The following OSBPL3 variants were observed in gnomAD, a reference collection of about 807,000 sequenced individuals.
OSBPL3 encodes the protein oxysterol binding protein like 3, also known as oxysterol-binding protein-related protein 3.
OSBPL3 carries 65 observed loss-of-function variants against 120.1 expected under a neutral mutation model. The observed-to-expected ratio is 0.54, with a 90% confidence interval of 0.44 to 0.67. The LOEUF is 0.67. Ranked by LOEUF, OSBPL3 falls within the 30% of genes least tolerant of loss-of-function variation. The pLI, the probability that OSBPL3 is intolerant of heterozygous loss-of-function variation, is 0.00. For synonymous variants in OSBPL3, 416 were observed against 402.6 expected (o/e 1.03, Z -0.40); for missense variants, 1,004 against 1,082.1 (o/e 0.93, Z 1.01).
chr7:24,845,889 G>A (rs1276978548), intron 12 of OSBPL3, among the ~76,000 whole-genome samples: 2 of 152,294 alleles, frequency 1.3e-5, no homozygotes, highest in African/African-American at 4.8e-5. Flanking sequence ...GGTAGTGAGT[G>A]CCTATAATCC....
intron 1 of OSBPL3, among the ~76,000 whole-genome samples, chr7:24,979,648 G>A (rs981116747): frequency 6.6e-6 from 1 of 152,144 alleles, no homozygotes; most frequent in Non-Finnish European, 1.5e-5. Context: ...GCCGTCCCTC[G>A]AGGGAAGGTG....
In OSBPL3 at chr7:24,968,648, C is replaced by T. The variant is rs1816655992; in HGVS notation, c.-150+11238G>A. 6.6e-6 allele frequency among the ~76,000 whole-genome samples: 1 copy of T among 152,202 alleles called. No individual in the cohort carries two copies. The highest frequency in any genetic ancestry group is 2.1e-4 in the South Asian group (1 of 4,824). On this transcript the variant is annotated intron_variant, in intron 1 of 22. Transcript: ENST00000313367. This position sits in a 1 kb window ranked among gnomAD's most constrained non-coding sequence, Gnocchi z 4.6. The stretch of plus-strand genomic sequence containing the variant: ...CTGACCTCAGGTGATTCGCCCACCT[C>T]GGCCTCCCAAAGTGCTAGGATTACA...
At chr7:24,943,372 C>T (rs1311844069) in intron 1 of OSBPL3, among the ~76,000 whole-genome samples, 3 of 152,144 alleles carry the variant, frequency 2.0e-5, no homozygotes, top group Non-Finnish European at 4.4e-5. Context: ...GTGCTTGTAC[C>T]TTAAAGGCTT....
intron 1 of OSBPL3, among the ~76,000 whole-genome samples, chr7:24,974,082 T>A (rs1217546925): frequency 1.2e-4 from 19 of 152,252 alleles, no homozygotes; most frequent in Non-Finnish European, 1.5e-5. Flanking sequence ...TACTAAATCT[T>A]TGAAACTCAG....
At position 24,855,740 on chromosome 7, in the gene OSBPL3, T is replaced by C. The variant is rs1428379187; in HGVS notation, c.1028-3106A>G. 6.6e-6 allele frequency among the ~76,000 whole-genome samples: 1 copy of C among 152,160 alleles called. No individual in the cohort carries two copies. Among genetic ancestry groups the C allele is most frequent in the Non-Finnish European group, 1.5e-5 (1 of 68,032 alleles). On this transcript the variant is annotated intron_variant, in intron 10 of 22. Coordinates refer to ENST00000313367, the MANE Select transcript of OSBPL3 (RefSeq NM_015550.4). The surrounding 1 kb of genome is among the most constrained non-coding windows in gnomAD (Gnocchi z 4.3). Reference sequence around the variant, plus strand: ...TCAGGAACACTCTCTGTGATAGGAGTGCTTTCTTACTTATTTCTAACATGA... The same window carrying C: ...TCAGGAACACTCTCTGTGATAGGAGCGCTTTCTTACTTATTTCTAACATGA...
chr7:24,889,446 A>G (rs1206746262), intron 2 of OSBPL3, among the ~76,000 whole-genome samples: 1 of 152,060 alleles, frequency 6.6e-6, no homozygotes, highest in Admixed American at 6.6e-5. Flanking sequence ...AAATGTTCTT[A>G]CCACACACAC....
intron 1 of OSBPL3, among the ~76,000 whole-genome samples, chr7:24,910,970 G>C (rs188121656): frequency 5.6e-4 from 85 of 152,310 alleles, no homozygotes; most frequent in Admixed American, 3.3e-3. Context: ...CCAGACACTG[G>C]GGATGAGGCC....
chr7:24,864,980 A>C (rs1279344333), intron 7 of OSBPL3, among the ~76,000 whole-genome samples: 1 of 151,346 alleles, frequency 6.6e-6, no homozygotes, highest in Non-Finnish European at 1.5e-5. Context: ...CTACATCGTG[A>C]AGATCTCCAT....
rs997598182 is a variant in OSBPL3, at chr7:24,824,870, C to T, written c.1885-4632G>A. Among the ~76,000 whole-genome samples, 4 of 152,060 alleles carry T rather than the reference C, an allele frequency of 2.6e-5. No homozygotes were observed. The highest frequency in any genetic ancestry group is 7.3e-5 in the African/African-American group (3 of 41,376). On this transcript the variant is annotated intron_variant, in intron 16 of 22. Transcript: ENST00000313367. This position sits in a 1 kb window ranked among gnomAD's most constrained non-coding sequence, Gnocchi z 4.9. ...GAAACCTGTGGGGCTGAGAGAAGTT[C>T]GGAAGTTAACCATGCAGATATCTGA... is the stretch of plus-strand genomic sequence containing the variant.
intron 1 of OSBPL3, among the ~76,000 whole-genome samples, chr7:24,921,339 G>A (rs1448562141): frequency 6.6e-6 from 1 of 152,196 alleles, no homozygotes; most frequent in Non-Finnish European, 1.5e-5. Context: ...TGAAAAGCCT[G>A]AACTGCATTG....
rs950210844 is a variant in OSBPL3, at chr7:24,808,235, T to C, written c.2318-1333A>G. On this transcript the variant is annotated intron_variant, in intron 20 of 22. Transcript: ENST00000313367. This position sits in a 1 kb window ranked among gnomAD's most constrained non-coding sequence, Gnocchi z 4.6. Reference sequence around the variant, plus strand: ...TTTTTGAATCTTCATAAGTCCTCCTTGTAACTAGTCTAATTCTCTGTGTAT... The same window carrying C: ...TTTTTGAATCTTCATAAGTCCTCCTCGTAACTAGTCTAATTCTCTGTGTAT... 2.6e-5 allele frequency among the ~76,000 whole-genome samples: 4 copies of C among 152,142 alleles called. No homozygotes were observed. The highest frequency in any genetic ancestry group is 9.7e-5 in the African/African-American group (4 of 41,424).
At position 24,804,387 on chromosome 7, in the gene OSBPL3, A is replaced by G. The variant is rs1732530374; in HGVS notation, c.2495T>C (p.Ile832Thr). The G allele has an allele frequency of 6.2e-7, 1 of 1,613,960 alleles. No homozygotes were observed. Among genetic ancestry groups the G allele is most frequent in the Non-Finnish European group, 8.5e-7 (1 of 1,179,926 alleles). Residue 832 changes from isoleucine (I) to threonine (T), a missense_variant, in exon 22 of 23, where the codon ATT becomes ACT. By Grantham distance (89) the Ile-to-Thr change is moderately conservative (BLOSUM62 -1). Around this residue, in one of 4 missense-constraint regions of OSBPL3, gnomAD observed 473 missense variants for 568.0 expected, o/e 0.83. Coordinates refer to ENST00000313367, the MANE Select transcript of OSBPL3 (RefSeq NM_015550.4). This position sits in a 1 kb window ranked among gnomAD's most constrained non-coding sequence, Gnocchi z 5.4. ...CCGCCTTTCTCTCTGCAGTTGTTCAATCCTCTGCTTTTGTATTTCAGCTTC... is the reference window on the plus strand; with the variant it reads ...CCGCCTTTCTCTCTGCAGTTGTTCAGTCCTCTGCTTTTGTATTTCAGCTTC... ...LEEAEIQKQR[I>T]EQLQRERRRV...
chr7:24,971,983 C>T (rs902668920), intron 1 of OSBPL3, among the ~76,000 whole-genome samples: 29 of 152,172 alleles, frequency 1.9e-4, no homozygotes, highest in Admixed American at 1.7e-3. Flanking sequence ...AGTGGGCTTC[C>T]CTGTATTCTT....
At chr7:24,814,783 G>A (rs529211406) in intron 19 of OSBPL3, among the ~76,000 whole-genome samples, 1 of 152,276 alleles carries the variant, frequency 6.6e-6, no homozygotes, top group South Asian at 2.1e-4. Context: ...ACATAATGCT[G>A]TCAAGGTGCA....
intron 12 of OSBPL3, among the ~76,000 whole-genome samples, chr7:24,843,154 G>T (rs1797988469): frequency 6.6e-6 from 1 of 152,112 alleles, no homozygotes; most frequent in Non-Finnish European, 1.5e-5. Context: ...GCTGGCCATG[G>T]CAGGATATAA....
intron 1 of OSBPL3, among the ~76,000 whole-genome samples, chr7:24,934,001 T>C (rs938700825): frequency 6.6e-6 from 1 of 152,202 alleles, no homozygotes; most frequent in African/African-American, 2.4e-5. Context: ...ATGTGTGTAA[T>C]AGCTCTAAAA....
At chr7:24,897,663 A>G (rs1562900558) in intron 1 of OSBPL3, among the ~76,000 whole-genome samples, 1 of 152,236 alleles carries the variant, frequency 6.6e-6, no homozygotes, top group Non-Finnish European at 1.5e-5. Context: ...CCTTCAACAT[A>G]TTAACATCTC....
At chr7:24,828,081 G>C (rs1236908942) in intron 16 of OSBPL3, among the ~76,000 whole-genome samples, 1 of 151,926 alleles carries the variant, frequency 6.6e-6, no homozygotes, top group African/African-American at 2.4e-5. Context: ...CTGGAGTGCA[G>C]TGGTGCGATC....
At position 24,916,251 on chromosome 7, in the gene OSBPL3, T is replaced by C. The variant is rs1809537648; in HGVS notation, c.-149-23630A>G. Among the ~76,000 whole-genome samples the C allele has an allele frequency of 6.6e-6, 1 of 152,242 alleles. No individual in the cohort carries two copies. The highest frequency in any genetic ancestry group is 6.5e-5 in the Admixed American group (1 of 15,292). ...CAAGATCAAATTGAATGTTTTACTTTTAAAGCCATGTTTTGTTTGAACTCA... is the reference window on the plus strand; with the variant it reads ...CAAGATCAAATTGAATGTTTTACTTCTAAAGCCATGTTTTGTTTGAACTCA... On this transcript the variant is annotated intron_variant, in intron 1 of 22. Transcript: ENST00000313367. The surrounding 1 kb of genome is among the most constrained non-coding windows in gnomAD (Gnocchi z 4.9).
Sources: gnomAD v4.1 joint callset for allele counts (sites outside exome capture counted in the v4.1 genomes callset) on GRCh38, gnomAD v4.1.1 for gene constraint, gnomAD v4.1.1 regional missense constraint, Gnocchi (gnomAD v3.1) non-coding constraint, MANE v1.5 for transcripts, NCBI Gene and HGNC (gene_info 2026-07-23, HGNC 2026-07-21) for gene names.